The following ANPEP variants were observed in gnomAD, a reference collection of about 807,000 sequenced individuals.
ANPEP encodes aminopeptidase N.
ANPEP carries 70 observed loss-of-function variants against 114.6 expected under a neutral mutation model. The ratio of observed to expected loss-of-function variants is 0.61; its 90% CI spans 0.50 to 0.75. The LOEUF (loss-of-function observed/expected upper bound fraction) is 0.75, where lower values mean the gene tolerates loss of function less well. Ranked by LOEUF, ANPEP falls within the 30% of genes least tolerant of loss-of-function variation. ANPEP has a pLI of 0.00. For synonymous variants in ANPEP, 548 were observed against 522.3 expected, an observed-to-expected ratio of 1.05 and a Z score of -0.67; for missense variants, 1,184 against 1,259.5, an observed-to-expected ratio of 0.94 and a Z score of 0.91.
At position 89,793,808 on chromosome 15, in the gene ANPEP, CA is replaced by C. The variant is rs1439009271; in HGVS notation, c.2158-683del. On this transcript the variant is annotated intron_variant, in intron 15 of 20. Coordinates refer to ENST00000300060, the MANE Select transcript of ANPEP (RefSeq NM_001150.3). ...CACACCCAGGAGCTCACCAAAACTACAGTTTCCACATTGATGCATTTACACC... is the reference window on the plus strand; with the variant it reads ...CACACCCAGGAGCTCACCAAAACTACGTTTCCACATTGATGCATTTACACC... 4.6e-5 allele frequency among the ~76,000 whole-genome samples: 7 copies of C among 151,858 alleles called. No individual in the cohort carries two copies. The East Asian group carries it at 1.4e-3, about 29-fold the overall frequency.
At position 89,813,592 on chromosome 15, in the gene ANPEP, C is replaced by A. The variant is rs77317289; in HGVS notation, c.-224+1180G>T. On this transcript the variant is annotated intron_variant, in intron 1 of 20. Coordinates refer to ENST00000300060, the MANE Select transcript of ANPEP (RefSeq NM_001150.3). ...CTCATGGGCCCAGCACACCCTCCCA[C>A]AGGGAGAGGGGAGTCCACCCTCTTC... 2.7e-3 allele frequency among the ~76,000 whole-genome samples: 407 copies of A among 152,254 alleles called. 6 individuals carry two copies. The East Asian group carries it at 0.031, about 12-fold the overall frequency.
intron 1 of ANPEP, among the ~76,000 whole-genome samples, chr15:89,808,959 G>A (rs1034143853): frequency 2.0e-5 from 3 of 152,214 alleles, no homozygotes; most frequent in Non-Finnish European, 2.9e-5. Flanking sequence ...CTTTGAGACT[G>A]AGGGTGTTCT....
chr15:89,793,147 A>G (rs2141793519), intron 15 of ANPEP, 21 bp from the exon 16 acceptor site: 4 of 1,595,036 alleles, frequency 2.5e-6, no homozygotes, highest in East Asian at 2.2e-5. Flanking sequence ...GAAAATATGA[A>G]TCTCATCAAA....
rs769490935 is a variant in ANPEP, at chr15:89,803,540, T to C, written c.1438-33A>G. The C allele has an allele frequency of 4.7e-5, 76 of 1,605,164 alleles. 1 individual carries two copies. The highest frequency in any genetic ancestry group is 2.9e-4 in the South Asian group (26 of 90,780). On this transcript the variant is annotated intron_variant, in intron 8 of 20. Coordinates refer to ENST00000300060, the MANE Select transcript of ANPEP (RefSeq NM_001150.3). The surrounding 1 kb of genome is among the most constrained non-coding windows in gnomAD (Gnocchi z 4.2). ...GGGGGTGAGGGGGCGCTCAGAAGGC[T>C]GTGCAGAGCCACCAGGACCCTGTGC... is the stretch of plus-strand genomic sequence containing the variant.
intron 15 of ANPEP, among the ~76,000 whole-genome samples, chr15:89,796,120 G>A (rs1438167125): frequency 6.6e-6 from 1 of 152,210 alleles, no homozygotes; most frequent in Non-Finnish European, 1.5e-5. Flanking sequence ...AGAGACTGAG[G>A]CAGGAGGATC....
intron 2 of ANPEP, among the ~76,000 whole-genome samples, chr15:89,805,768 C>A (rs564906003): frequency 6.0e-4 from 92 of 152,272 alleles, no homozygotes; most frequent in Non-Finnish European, 1.1e-3. Context: ...TCATCCCCAG[C>A]TCCCTGGTGA....
In ANPEP at chr15:89,784,919, T is replaced by C. The variant is rs1195827470; in HGVS notation, c.*430A>G. 6.2e-6 allele frequency: 1 copy of C among 161,722 alleles called. No homozygotes were observed. Among genetic ancestry groups the C allele is most frequent in the African/African-American group, 2.4e-5 (1 of 41,722 alleles). The allele number at this position is 161,722 out of a possible 1,614,324, so 10.0% of individuals were successfully genotyped here. ...CTCATCTAGAAATCCTTTATTTACATTTTCTCTTAGAAAAAAATATACAGA... is the reference window on the plus strand; with the variant it reads ...CTCATCTAGAAATCCTTTATTTACACTTTCTCTTAGAAAAAAATATACAGA... On this transcript the variant is annotated 3_prime_UTR_variant, in exon 21 of 21. Transcript: ENST00000300060.
At chr15:89,801,254 C>T in intron 11 of ANPEP, 67 bp from the exon 12 acceptor site, 1 of 1,575,732 alleles carries the variant, frequency 6.3e-7, no homozygotes, top group African/African-American at 1.3e-5. Context: ...GAGCAGCTGC[C>T]CAGGCTCCCA....
At chr15:89,790,639 T>C in intron 19 of ANPEP, 98 bp from the exon 20 acceptor site, 1 of 1,124,248 alleles carries the variant, frequency 8.9e-7, no homozygotes, top group Non-Finnish European at 1.3e-6. Flanking sequence ...ATAGAGGAGA[T>C]GAAATGACAC....
At chr15:89,798,823 C>T (rs571480066) in intron 14 of ANPEP, among the ~76,000 whole-genome samples, 9 of 152,202 alleles carry the variant, frequency 5.9e-5, no homozygotes, top group African/African-American at 1.9e-4. Flanking sequence ...ACCTGTAATC[C>T]CAGCAACTCG....
chr15:89,812,876 G>C (rs927102122), intron 1 of ANPEP, among the ~76,000 whole-genome samples: 2 of 152,144 alleles, frequency 1.3e-5, no homozygotes, highest in Non-Finnish European at 2.9e-5. Flanking sequence ...GCCGTGCCAA[G>C]GGGAGTTGAA....
chr15:89,811,781 G>T (rs1190754456), intron 1 of ANPEP, among the ~76,000 whole-genome samples: 2 of 152,188 alleles, frequency 1.3e-5, no homozygotes, highest in Non-Finnish European at 2.9e-5. Context: ...TGGCCCTGCG[G>T]GTTGTCTTTG....
At position 89,793,084 on chromosome 15, in the gene ANPEP, T is replaced by C; in HGVS notation, c.2200A>G (p.Arg734Gly). 1 of 1,614,182 alleles carries C rather than the reference T, an allele frequency of 6.2e-7. No homozygotes were observed. Among genetic ancestry groups the C allele is most frequent in the Non-Finnish European group, 8.5e-7 (1 of 1,180,012 alleles). The change falls in exon 16 of 21, where the codon AGA (arginine) becomes GGA (glycine). Residue 734 changes from arginine (R) to glycine (G), a missense_variant. Physicochemically the swap from Arg to Gly is moderately radical, Grantham distance 125. Transcript: ENST00000300060. ...TCCCTCCAGTTGTTGGTATTATTTC[T>C]GAAGTGAATGAAGAGGGGTGTGACC... ...KQVTPLFIHF[R>G]NNTNNWREIP...
At chr15:89,811,605 C>G (rs967344497) in intron 1 of ANPEP, among the ~76,000 whole-genome samples, 1 of 150,530 alleles carries the variant, frequency 6.6e-6, no homozygotes, top group Non-Finnish European at 1.5e-5. Context: ...GAAATCGTGC[C>G]ACTGCACTCC....
chr15:89,798,610 C>T (rs1196112500), intron 14 of ANPEP, among the ~76,000 whole-genome samples: 1 of 151,594 alleles, frequency 6.6e-6, no homozygotes, highest in Non-Finnish European at 1.5e-5. Flanking sequence ...GCACTCCAGC[C>T]CGGGTGACAG....
chr15:89,797,775 A>G, intron 14 of ANPEP, 53 bp from the exon 15 acceptor site: 5 of 1,610,094 alleles, frequency 3.1e-6, no homozygotes, highest in Non-Finnish European at 4.2e-6. Context: ...GCCCAGCCAC[A>G]GCCTGGGAAC....
At chr15:89,793,192 C>T in intron 15 of ANPEP, 66 bp from the exon 16 acceptor site, 3 of 1,436,142 alleles carry the variant, frequency 2.1e-6, no homozygotes, top group South Asian at 1.2e-5. Context: ...CCCCACAGAG[C>T]CTCTGATGTT....
At chr15:89,800,997 AAAG>A (rs1894576790) in intron 12 of ANPEP, 111 bp downstream of exon 12, 1 of 910,018 alleles carries the variant, frequency 1.1e-6, no homozygotes, top group Non-Finnish European at 1.7e-6. Context: ...GATTGGAACC[AAAG>A]AAGTCAAGTC....
chr15:89,813,439 C>T (rs942825711), intron 1 of ANPEP, among the ~76,000 whole-genome samples: 1 of 152,200 alleles, frequency 6.6e-6, no homozygotes, highest in African/African-American at 2.4e-5. Flanking sequence ...GGCTGGGCTG[C>T]CTCAAGACAC....
Sources: gnomAD v4.1 joint callset for allele counts (sites outside exome capture counted in the v4.1 genomes callset) on GRCh38, gnomAD v4.1.1 for gene constraint, Gnocchi (gnomAD v3.1) non-coding constraint, MANE v1.5 for transcripts, NCBI Gene and HGNC (gene_info 2026-07-23, HGNC 2026-07-21) for gene names.